The following PFKFB3 variants were observed in gnomAD, a reference collection of about 807,000 sequenced individuals.
The protein encoded by PFKFB3 is 6-phosphofructo-2-kinase/fructose-2,6-biphosphatase 3.
In PFKFB3, 33 loss-of-function variants were observed where a neutral mutation model predicts 68.0. The ratio of observed to expected loss-of-function variants is 0.49; its 90% CI spans 0.37 to 0.65. The LOEUF (loss-of-function observed/expected upper bound fraction) is 0.65, where lower values mean the gene tolerates loss of function less well. PFKFB3 is among the 30% of genes least tolerant of loss of function. The pLI, the probability that PFKFB3 is intolerant of heterozygous loss-of-function variation, is 0.00. For synonymous variants in PFKFB3, 315 were observed against 288.2 expected (o/e 1.09, Z -0.94); for missense variants, 586 against 712.2 (o/e 0.82, Z 2.02).
At chr10:6,188,963 T>C (rs1324625421) in intron 1 of PFKFB3, among the ~76,000 whole-genome samples, 1 of 151,452 alleles carries the variant, frequency 6.6e-6, no homozygotes, top group Non-Finnish European at 1.5e-5. Flanking sequence ...GCCTCCCGAG[T>C]AGCTGGGACT....
chr10:6,174,161 A>C (rs1842393065), intron 1 of PFKFB3, among the ~76,000 whole-genome samples: 1 of 152,002 alleles, frequency 6.6e-6, no homozygotes, highest in Admixed American at 6.6e-5. Context: ...GACTTCTCTG[A>C]GCCTTAGTCT....
the PFKFB3 span, among the ~76,000 whole-genome samples, chr10:6,315,269 C>T: frequency 2.0e-5 from 3 of 152,184 alleles, no homozygotes; most frequent in Middle Eastern, 3.4e-3. Context: ...TCCCAGAGTG[C>T]GCATGAAACT....
chr10:6,262,360 A>G, the PFKFB3 span, among the ~76,000 whole-genome samples: 4 of 73,828 alleles, frequency 5.4e-5, no homozygotes, highest in East Asian at 7.8e-4. Context: ...AGGCTGAGGC[A>G]GGAGAATGGC....
intron 1 of PFKFB3, among the ~76,000 whole-genome samples, chr10:6,174,820 T>A (rs1298750522): frequency 5.9e-5 from 1 of 16,912 alleles, no homozygotes; most frequent in African/African-American, 1.1e-4. Context: ...CTTTCTTTAA[T>A]TTTTTTTTTT....
chr10:6,223,130 G>A (rs1845084285), intron 11 of PFKFB3, 146 bp downstream of exon 11: 4 of 728,038 alleles, frequency 5.5e-6, no homozygotes, highest in South Asian at 1.9e-5. Context: ...GTCGGCTCCC[G>A]GCTGCTTCAG....
intron 14 of PFKFB3, among the ~76,000 whole-genome samples, chr10:6,241,201 G>A (rs1846134148): frequency 6.6e-6 from 1 of 152,166 alleles, no homozygotes; most frequent in African/African-American, 2.4e-5. Context: ...CACCGCGCCT[G>A]GCCATAGAAT....
chr10:6,215,403 G>A lies in PFKFB3; in HGVS notation c.299+86G>A, dbSNP rs1227405236. 6.0e-5 allele frequency: 59 copies of A among 983,656 alleles called. No homozygotes were observed. Among genetic ancestry groups the A allele is most frequent in the Admixed American group, 4.2e-4 (22 of 51,908 alleles). 60.9% of individuals were successfully genotyped at this position (983,656 alleles called of 1,614,324 possible). A position where few individuals can be genotyped will look rare whatever the true frequency, so the allele number is the denominator to read the frequency against. On this transcript the variant is annotated intron_variant, in intron 3 of 14. Coordinates refer to ENST00000379775, the MANE Select transcript of PFKFB3 (RefSeq NM_004566.4). This position sits in a 1 kb window ranked among gnomAD's most constrained non-coding sequence, Gnocchi z 4.3. ...AGGCTGGGCTGCAGGAGTAAGGCTGGGCCGCGGGCGTAGGGCTGGGCTGTG... is the reference window on the plus strand; with the variant it reads ...AGGCTGGGCTGCAGGAGTAAGGCTGAGCCGCGGGCGTAGGGCTGGGCTGTG...
chr10:6,314,549 C>A, the PFKFB3 span, among the ~76,000 whole-genome samples: 1 of 152,200 alleles, frequency 6.6e-6, no homozygotes, highest in Non-Finnish European at 1.5e-5. Flanking sequence ...TTACGTTTAG[C>A]AGCTAATATT....
chr10:6,188,563 T>C (rs534726461), intron 1 of PFKFB3, among the ~76,000 whole-genome samples: 2 of 152,016 alleles, frequency 1.3e-5, no homozygotes, highest in Non-Finnish European at 2.9e-5. Flanking sequence ...GTTAGATGTA[T>C]TCACGCCATT....
At chr10:6,302,423 C>T in the PFKFB3 span, among the ~76,000 whole-genome samples, 2 of 118,950 alleles carry the variant, frequency 1.7e-5, no homozygotes, top group African/African-American at 6.7e-5. Context: ...GTTCTGTTGC[C>T]CAGGCTGGAG....
At chr10:6,217,000 G>C in intron 5 of PFKFB3, 135 bp from the exon 6 acceptor site, 1 of 937,538 alleles carries the variant, frequency 1.1e-6, no homozygotes, top group Non-Finnish European at 1.7e-6. Context: ...GCTGCAGTGA[G>C]GAGGTGGGCT....
chr10:6,182,117 C>T (rs1588433974), intron 1 of PFKFB3, among the ~76,000 whole-genome samples: 2 of 152,296 alleles, frequency 1.3e-5, no homozygotes, highest in East Asian at 3.9e-4. Context: ...AGAGTTGGAG[C>T]TGAGGTCCCT....
intron 1 of PFKFB3, among the ~76,000 whole-genome samples, chr10:6,180,294 A>G (rs1485492520): frequency 6.6e-6 from 1 of 152,212 alleles, no homozygotes; most frequent in Non-Finnish European, 1.5e-5. Flanking sequence ...GCTTAAAGCA[A>G]TCAGATTGAG....
At chr10:6,316,401 C>T in the PFKFB3 span, among the ~76,000 whole-genome samples, 1 of 152,220 alleles carries the variant, frequency 6.6e-6, no homozygotes, top group African/African-American at 2.4e-5. Flanking sequence ...GCACAAGAGC[C>T]TTTCTGTTTC....
rs926314548 is a variant in PFKFB3 at position 6,229,417 on chromosome 10, T to A, written c.1515+3052T>A. On this transcript the variant is annotated intron_variant, in intron 14 of 14. Transcript: ENST00000379775. This position sits in a 1 kb window ranked among gnomAD's most constrained non-coding sequence, Gnocchi z 4.3. ...CCGGCCGCCTCCTCTCTGCGGCTTC[T>A]GGGAGTGGGCTGGGTGCCCGTTCCC... is the stretch of plus-strand genomic sequence containing the variant. Among the ~76,000 whole-genome samples the A allele has an allele frequency of 8.5e-5, 13 of 152,234 alleles. No individual in the cohort carries two copies. The highest frequency in any genetic ancestry group is 1.0e-4 in the Non-Finnish European group (7 of 68,048).
intron 1 of PFKFB3, among the ~76,000 whole-genome samples, chr10:6,173,111 C>T (rs1159568380): frequency 2.0e-5 from 3 of 152,234 alleles, no homozygotes; most frequent in Non-Finnish European, 4.4e-5. Context: ...TTGTGCCCTA[C>T]TTGTCTACTT....
chr10:6,302,362 G>GTTT, the PFKFB3 span, among the ~76,000 whole-genome samples: 14 of 78,494 alleles, frequency 1.8e-4, 1 homozygote, highest in African/African-American at 8.4e-4. Flanking sequence ...TGCCTGGCCA[G>GTTT]TTTTTTTTTT....
At chr10:6,205,880 C>A (rs1251197546) in intron 1 of PFKFB3, among the ~76,000 whole-genome samples, 1 of 151,934 alleles carries the variant, frequency 6.6e-6, no homozygotes, top group African/African-American at 2.4e-5. Context: ...TCACTGTAAC[C>A]ACCAACTCTT....
intron 14 of PFKFB3, among the ~76,000 whole-genome samples, chr10:6,241,164 C>T (rs1337648145): frequency 6.6e-6 from 1 of 152,156 alleles, no homozygotes; most frequent in African/African-American, 2.4e-5. Flanking sequence ...CTTGGCCTCC[C>T]AAAGTGCTGG....
Sources: gnomAD v4.1 joint callset for allele counts (sites outside exome capture counted in the v4.1 genomes callset) on GRCh38, gnomAD v4.1.1 for gene constraint, Gnocchi (gnomAD v3.1) non-coding constraint, MANE v1.5 for transcripts, NCBI Gene and HGNC (gene_info 2026-07-23, HGNC 2026-07-21) for gene names.